PRMT3: variants seen among roughly 807,000 people sequenced by gnomAD.
PRMT3 encodes the protein protein arginine methyltransferase 3.
Under a neutral mutation model 71.9 loss-of-function variants are expected in PRMT3, and 62 were observed. The ratio of observed to expected loss-of-function variants is 0.86; its 90% CI spans 0.70 to 1.07. The LOEUF is 1.07. Ranked by LOEUF, PRMT3 falls within the 50% of genes least tolerant of loss-of-function variation. The probability of loss-of-function intolerance (pLI) is 0.00; values close to 1 mark genes in which losing one functional copy is unlikely to be tolerated. For missense variants in PRMT3, 663 were observed against 643.0 expected (o/e 1.03, Z -0.34); for synonymous variants, 213 against 220.4 (o/e 0.97, Z 0.30).
intron 6 of PRMT3, among the ~76,000 whole-genome samples, chr11:20,396,207 C>A (rs1039678574): frequency 6.6e-6 from 1 of 152,036 alleles, no homozygotes; most frequent in Non-Finnish European, 1.5e-5. Flanking sequence ...TGTTTTTGTT[C>A]TTTATTGCCT....
intron 13 of PRMT3, among the ~76,000 whole-genome samples, chr11:20,485,106 T>A (rs569869470): frequency 6.6e-6 from 1 of 152,210 alleles, no homozygotes; most frequent in African/African-American, 2.4e-5. Flanking sequence ...GAATAAGGTA[T>A]GAGAGAAGTA....
intron 13 of PRMT3, among the ~76,000 whole-genome samples, chr11:20,479,419 T>C (rs774587075): frequency 6.6e-6 from 1 of 152,146 alleles, no homozygotes; most frequent in Non-Finnish European, 1.5e-5. Flanking sequence ...TACCTTTCAG[T>C]GGAAAAAATA....
At chr11:20,499,903 G>A (rs772678502) in intron 15 of PRMT3, among the ~76,000 whole-genome samples, 4 of 152,078 alleles carry the variant, frequency 2.6e-5, no homozygotes, top group Non-Finnish European at 5.9e-5. Context: ...AATTTTTCCC[G>A]CCAAATGTAG....
chr11:20,446,587 G>A (rs1850035009), intron 10 of PRMT3, among the ~76,000 whole-genome samples: 1 of 151,926 alleles, frequency 6.6e-6, no homozygotes, highest in African/African-American at 2.4e-5. Flanking sequence ...TTACATTTAG[G>A]TCTTTACTCC....
rs1332123182 is a variant in PRMT3 at position 20,397,723 on chromosome 11, T to G, written c.705+2T>G. The G allele has an allele frequency of 3.1e-6, 5 of 1,612,736 alleles. No individual in the cohort carries two copies. Among genetic ancestry groups the G allele is most frequent in the African/African-American group, 1.3e-5 (1 of 74,834 alleles). On this transcript the variant is annotated splice_donor_variant, in intron 7 of 15. Coordinates refer to ENST00000331079, the MANE Select transcript of PRMT3 (RefSeq NM_005788.4). LOFTEE classifies it high-confidence loss of function. ...GGGATACATGAAGAAATGCTAAAGG[T>G]TAGAAAAGAACACAAATGCGTCAAA...
At chr11:20,494,962 G>A (rs1408340615) in intron 15 of PRMT3, among the ~76,000 whole-genome samples, 1 of 152,126 alleles carries the variant, frequency 6.6e-6, no homozygotes, top group Non-Finnish European at 1.5e-5. Context: ...AGGCACAGTG[G>A]CTTATGCCTG....
intron 7 of PRMT3, among the ~76,000 whole-genome samples, chr11:20,399,729 G>C (rs920390147): frequency 6.6e-6 from 1 of 152,148 alleles, no homozygotes. Context: ...GGGAAATTCA[G>C]TTTGAGTACT....
At chr11:20,427,619 G>A (rs1849574785) in intron 10 of PRMT3, among the ~76,000 whole-genome samples, 1 of 152,058 alleles carries the variant, frequency 6.6e-6, no homozygotes, top group Admixed American at 6.6e-5. Context: ...CAGCCACTTG[G>A]GAGGCTGAGG....
At chr11:20,465,196 G>T (rs1179503062) in intron 13 of PRMT3, among the ~76,000 whole-genome samples, 3 of 151,904 alleles carry the variant, frequency 2.0e-5, no homozygotes, top group Non-Finnish European at 4.4e-5. Flanking sequence ...TACCTGCAAT[G>T]TAGCCAGAAA....
intron 9 of PRMT3, among the ~76,000 whole-genome samples, chr11:20,417,699 C>T (rs1037141012): frequency 6.6e-6 from 1 of 152,156 alleles, no homozygotes; most frequent in Non-Finnish European, 1.5e-5. Flanking sequence ...AACTATGTCA[C>T]TGTATACTAT....
intron 2 of PRMT3, 52 bp downstream of exon 2, chr11:20,388,206 G>T (rs1198559164): frequency 3.7e-6 from 6 of 1,608,224 alleles, no homozygotes; most frequent in Non-Finnish European, 5.1e-6. Flanking sequence ...GGGCGCGTGG[G>T]GTCTGTGTGC....
chr11:20,415,634 G>A (rs1485957527), intron 9 of PRMT3, among the ~76,000 whole-genome samples: 1 of 152,050 alleles, frequency 6.6e-6, no homozygotes, highest in Non-Finnish European at 1.5e-5. Flanking sequence ...ATGAGTCTTA[G>A]AGACTGTAGT....
chr11:20,471,144 A>C (rs1850635413), intron 13 of PRMT3, among the ~76,000 whole-genome samples: 1 of 152,110 alleles, frequency 6.6e-6, no homozygotes, highest in Non-Finnish European at 1.5e-5. Context: ...GATAGATTGC[A>C]AAAATCTCCC....
At chr11:20,415,799 A>G (rs1849292285) in intron 9 of PRMT3, among the ~76,000 whole-genome samples, 2 of 152,174 alleles carry the variant, frequency 1.3e-5, no homozygotes, top group African/African-American at 4.8e-5. Context: ...TTCAGGTAAA[A>G]TAGAGTAACA....
intron 13 of PRMT3, among the ~76,000 whole-genome samples, chr11:20,477,877 T>C (rs767643651): frequency 7.1e-6 from 1 of 141,586 alleles, no homozygotes; most frequent in Non-Finnish European, 1.5e-5. Flanking sequence ...TGAGGGAGAA[T>C]TGGTTTGAAG....
intron 11 of PRMT3, among the ~76,000 whole-genome samples, chr11:20,454,018 A>G (rs1162310454): frequency 1.3e-5 from 2 of 152,144 alleles, no homozygotes; most frequent in African/African-American, 4.8e-5. Flanking sequence ...ATTATACATC[A>G]TTTGTTGACC....
At chr11:20,466,103 A>T (rs1850505284) in intron 13 of PRMT3, among the ~76,000 whole-genome samples, 1 of 152,246 alleles carries the variant, frequency 6.6e-6, no homozygotes, top group Admixed American at 6.5e-5. Context: ...TGAACTCTAG[A>T]AAAGTTTATT....
intron 15 of PRMT3, 66 bp from the exon 16 acceptor site, chr11:20,508,238 C>A: frequency 1.2e-6 from 1 of 802,212 alleles, no homozygotes; most frequent in Non-Finnish European, 2.1e-6. Flanking sequence ...GCTAGTTATA[C>A]ATTGTTTACT....
At chr11:20,418,010 C>T (rs778253453) in intron 9 of PRMT3, among the ~76,000 whole-genome samples, 10 of 152,044 alleles carry the variant, frequency 6.6e-5, no homozygotes, top group Admixed American at 4.6e-4. Context: ...CTGTATGCTT[C>T]GTGCAAGATA....
Sources: allele counts gnomAD v4.1 joint callset (sites outside exome capture counted in the v4.1 genomes callset), GRCh38; gene constraint gnomAD v4.1.1; transcripts MANE v1.5; gene names NCBI Gene and HGNC (gene_info 2026-07-23, HGNC 2026-07-21).